The following EPB41 variants were observed in gnomAD, a reference collection of about 807,000 sequenced individuals.
EPB41 encodes the protein protein 4.1.
In EPB41, 65 loss-of-function variants were observed where a neutral mutation model predicts 108.0. The ratio of observed to expected loss-of-function variants is 0.60; its 90% CI spans 0.49 to 0.74. The LOEUF is 0.74. EPB41 is among the 30% of genes least tolerant of loss of function. The probability of loss-of-function intolerance (pLI) is 0.00; values close to 1 mark genes in which losing one functional copy is unlikely to be tolerated. For synonymous variants in EPB41, 336 were observed against 358.9 expected (o/e 0.94, Z 0.72); for missense variants, 875 against 1,037.0 (o/e 0.84, Z 2.15).
At chr1:29,085,620 C>A (rs928766291) in intron 16 of EPB41, among the ~76,000 whole-genome samples, 1 of 151,750 alleles carries the variant, frequency 6.6e-6, no homozygotes, top group African/African-American at 2.4e-5. Flanking sequence ...CTTTTTTACC[C>A]CAAGTTTACA....
At chr1:29,061,585 T>G (rs1373071466) in intron 15 of EPB41, among the ~76,000 whole-genome samples, 1 of 138,304 alleles carries the variant, frequency 7.2e-6, no homozygotes, top group African/African-American at 2.7e-5. Flanking sequence ...TTTTTTTTTT[T>G]TTTTTTTTTT....
rs1382983685 is a variant in EPB41 at position 29,116,932 on chromosome 1, C to G, written c.*120C>G. ...GACTTTCAAGATTATTCTAAATCAC[C>G]AGAAAATTAATTTCAGTTTCTATTG... On this transcript the variant is annotated 3_prime_UTR_variant, in exon 21 of 21. Coordinates refer to ENST00000343067, the MANE Select transcript of EPB41 (RefSeq NM_001376013.1). 6.6e-6 allele frequency: 1 copy of G among 152,168 alleles called. No homozygotes were observed. Among genetic ancestry groups the G allele is most frequent in the Non-Finnish European group, 1.5e-5 (1 of 68,028 alleles). 9.4% of individuals were successfully genotyped at this position (152,168 alleles called of 1,614,324 possible).
At chr1:28,993,585 G>T in intron 3 of EPB41, 43 bp downstream of exon 3, 1 of 1,581,414 alleles carries the variant, frequency 6.3e-7, no homozygotes, top group Middle Eastern at 1.8e-4. Flanking sequence ...TCTTACAGGT[G>T]GTTTCATCTA....
At chr1:28,966,043 C>T (rs944763717) in intron 1 of EPB41, among the ~76,000 whole-genome samples, 1 of 151,996 alleles carries the variant, frequency 6.6e-6, no homozygotes, top group Non-Finnish European at 1.5e-5. Flanking sequence ...ATTAGCCAGG[C>T]ATGGTGGCGG....
intron 16 of EPB41, among the ~76,000 whole-genome samples, chr1:29,068,362 T>A (rs1467707068): frequency 6.6e-6 from 1 of 152,244 alleles, no homozygotes; most frequent in Non-Finnish European, 1.5e-5. Context: ...TGAATTAGTC[T>A]CCATTTCCAG....
intron 6 of EPB41, among the ~76,000 whole-genome samples, chr1:29,016,950 C>G (rs1486943480): frequency 6.6e-6 from 1 of 152,166 alleles, no homozygotes; most frequent in Admixed American, 6.5e-5. Context: ...AGACTAACCT[C>G]TTTAAAAATC....
chr1:29,053,674 C>T (rs1644886809), intron 12 of EPB41: 2 of 207,178 alleles, frequency 9.7e-6, no homozygotes, highest in Non-Finnish European at 2.0e-5. Context: ...ATTCTCCTGC[C>T]TCAGCCTCCT....
intron 1 of EPB41, among the ~76,000 whole-genome samples, chr1:28,934,041 C>T (rs541426139): frequency 1.3e-5 from 2 of 152,236 alleles, no homozygotes; most frequent in East Asian, 1.9e-4. Flanking sequence ...CAGGATACCA[C>T]ATTATGTCTA....
Position 29,061,247 on chromosome 1 carries a change from C to CAT in EPB41, c.2007+773_2007+774dup, listed in dbSNP as rs562241471. On this transcript the variant is annotated intron_variant, in intron 15 of 20. Coordinates refer to ENST00000343067, the MANE Select transcript of EPB41 (RefSeq NM_001376013.1). ...TTTTCCCATTATATTCAACATTGGT[C>CAT]ATATATATATAAAATTTTTATTTTA... Among the ~76,000 whole-genome samples the CAT allele has an allele frequency of 3.3e-4, 50 of 151,924 alleles. No homozygotes were observed. In the South Asian group the frequency reaches 9.6e-3, roughly 29 times the overall value.
At chr1:28,958,897 G>A (rs1208703833) in intron 1 of EPB41, among the ~76,000 whole-genome samples, 1 of 150,640 alleles carries the variant, frequency 6.6e-6, no homozygotes, top group Non-Finnish European at 1.5e-5. Context: ...CAATATTTAA[G>A]TAAATAAAGA....
chr1:29,039,310 T>G lies in EPB41; in HGVS notation c.1520T>G (p.Phe507Cys). 6 of 1,614,102 alleles carry G rather than the reference T, an allele frequency of 3.7e-6. No individual in the cohort carries two copies. The highest frequency in any genetic ancestry group is 5.1e-6 in the Non-Finnish European group (6 of 1,180,028). The part of the protein sequence containing the change: ...KSKFLALGSK[F>C]RYSGRTQAQT... ...AAATTTCTTGCGCTAGGATCCAAAT[T>G]TCGATACAGTGGCCGGACTCAAGCT... The change falls in exon 11 of 21, where the codon TTT becomes TGT. Residue 507 changes from phenylalanine to cysteine, a missense_variant. Around this residue, in one of 3 missense-constraint regions of EPB41, gnomAD observed 519 missense variants for 627.3 expected, o/e 0.83. Transcript: ENST00000343067.
intron 4 of EPB41, among the ~76,000 whole-genome samples, chr1:29,006,048 T>C (rs887305501): frequency 6.6e-6 from 1 of 152,220 alleles, no homozygotes; most frequent in Non-Finnish European, 1.5e-5. Flanking sequence ...ACTAGATTAT[T>C]CAGAATTACT....
chr1:28,937,191 A>G (rs1038485626), intron 1 of EPB41, among the ~76,000 whole-genome samples: 12 of 152,236 alleles, frequency 7.9e-5, no homozygotes, highest in South Asian at 4.1e-4. Context: ...TTCATGTGCT[A>G]TTGGCCATTT....
rs397860826 is a variant in EPB41, at chr1:28,960,563, C to CAA, written c.-7-26850_-7-26849dup. 2.0e-3 allele frequency among the ~76,000 whole-genome samples: 92 copies of CAA among 46,744 alleles called. 1 individual carries two copies. The highest frequency in any genetic ancestry group is 0.022 in the Middle Eastern group (1 of 46). 30.7% of individuals were successfully genotyped at this position (46,744 alleles called of 152,430 possible). ...GCAATGTAGTGAGACCTCGTCTCTACAAAAAAAAAAAAAAAAAAACTTAAA... is the reference window on the plus strand; with the variant it reads ...GCAATGTAGTGAGACCTCGTCTCTACAAAAAAAAAAAAAAAAAAAAACTTAAA... On this transcript the variant is annotated intron_variant, in intron 1 of 20. Coordinates refer to ENST00000343067, the MANE Select transcript of EPB41 (RefSeq NM_001376013.1).
chr1:29,067,382 G>A (rs1446197927), intron 16 of EPB41, among the ~76,000 whole-genome samples: 1 of 151,324 alleles, frequency 6.6e-6, no homozygotes, highest in Non-Finnish European at 1.5e-5. Context: ...TGTAGTCCCA[G>A]CTACTTGGGA....
At chr1:28,950,841 CT>C (rs898541476) in intron 1 of EPB41, among the ~76,000 whole-genome samples, 16 of 148,036 alleles carry the variant, frequency 1.1e-4, no homozygotes, top group African/African-American at 1.7e-4. Context: ...AGTTTCTGTA[CT>C]TTTTTTTTTT....
intron 16 of EPB41, chr1:29,069,315 G>C (rs1650092962): frequency 1.6e-6 from 2 of 1,231,306 alleles, no homozygotes; most frequent in Non-Finnish European, 2.0e-6. Flanking sequence ...TCTTGACTAT[G>C]GATAGCAGAG....
At chr1:28,907,862 G>T (rs1340377809) in intron 1 of EPB41, among the ~76,000 whole-genome samples, 1 of 151,330 alleles carries the variant, frequency 6.6e-6, no homozygotes, top group Non-Finnish European at 1.5e-5. Flanking sequence ...TAGAGATGAG[G>T]TCTCACTATG....
At position 29,034,973 on chromosome 1, in the gene EPB41, G is replaced by GTT. The variant is rs10580931; in HGVS notation, c.1366-830_1366-829dup. 3.5e-3 allele frequency among the ~76,000 whole-genome samples: 301 copies of GTT among 87,142 alleles called. 1 individual carries two copies. Among genetic ancestry groups the GTT allele is most frequent in the African/African-American group, 4.1e-3 (103 of 24,848 alleles). The allele number at this position is 87,142 out of a possible 152,430, so 57.2% of individuals were successfully genotyped here. A position where few individuals can be genotyped will look rare whatever the true frequency, so the allele number is the denominator to read the frequency against. ...TGTTTCTTGGGTTTGTTTGTTTGTTGTTTTTTTTTTTTTTTTTTTTTTTTG... is the reference window on the plus strand; with the variant it reads ...TGTTTCTTGGGTTTGTTTGTTTGTTGTTTTTTTTTTTTTTTTTTTTTTTTTTG... On this transcript the variant is annotated intron_variant, in intron 9 of 20. Coordinates refer to ENST00000343067, the MANE Select transcript of EPB41 (RefSeq NM_001376013.1).
Sources: gnomAD v4.1 joint callset for allele counts (sites outside exome capture counted in the v4.1 genomes callset) on GRCh38, gnomAD v4.1.1 for gene constraint, gnomAD v4.1.1 regional missense constraint, MANE v1.5 for transcripts, NCBI Gene and HGNC (gene_info 2026-07-23, HGNC 2026-07-21) for gene names.